EOGT: variants seen among roughly 807,000 people sequenced by gnomAD.
The protein encoded by EOGT is EGF domain-specific O-linked N-acetylglucosamine transferase.
A neutral mutation model predicts 70.5 loss-of-function variants in EOGT; 55 were observed. That is an observed-to-expected ratio of 0.78 (90% CI 0.63 to 0.98). The LOEUF (loss-of-function observed/expected upper bound fraction) is 0.98. EOGT is among the 50% of genes least tolerant of loss of function. EOGT has a pLI of 0.00. For missense variants in EOGT, 703 were observed against 641.9 expected, an observed-to-expected ratio of 1.10 and a Z score of -1.03; for synonymous variants, 246 against 217.1, an observed-to-expected ratio of 1.13 and a Z score of -1.17.
At chr3:68,987,155 T>A (rs2107206878) in intron 14 of EOGT, among the ~76,000 whole-genome samples, 1 of 152,378 alleles carries the variant, frequency 6.6e-6, no homozygotes, top group Non-Finnish European at 1.5e-5. Context: ...TTTTGCTACT[T>A]GTCTGTCCGG....
At chr3:68,994,119 A>G (rs190789527) in intron 10 of EOGT, among the ~76,000 whole-genome samples, 129 of 152,296 alleles carry the variant, frequency 8.5e-4, no homozygotes, top group African/African-American at 3.0e-3. Context: ...ACAGTAATAT[A>G]TATTATATAT....
chr3:68,985,682 T>C (rs1214060522), intron 14 of EOGT, among the ~76,000 whole-genome samples: 2 of 152,094 alleles, frequency 1.3e-5, no homozygotes, highest in African/African-American at 4.8e-5. Context: ...GGCTAAACAC[T>C]CTCCCCTGGG....
At chr3:68,994,674 C>T (rs1384160833) in intron 10 of EOGT, among the ~76,000 whole-genome samples, 2 of 152,070 alleles carry the variant, frequency 1.3e-5, no homozygotes, top group African/African-American at 2.4e-5. Context: ...CACTGTCATC[C>T]CAGATACTGG....
At chr3:68,988,836 A>T in intron 11 of EOGT, 89 bp downstream of exon 11, 1 of 709,484 alleles carries the variant, frequency 1.4e-6, no homozygotes, top group Non-Finnish European at 2.3e-6. Flanking sequence ...GGTAATGGCT[A>T]ATAGGAACTC....
At chr3:68,979,368 G>A (rs565465426) in intron 16 of EOGT, among the ~76,000 whole-genome samples, 13 of 152,252 alleles carry the variant, frequency 8.5e-5, no homozygotes, top group East Asian at 7.7e-4. Context: ...GCAAGAAGAC[G>A]CTCAGAGTTT....
At chr3:68,979,623 A>T (rs2090575344) in intron 16 of EOGT, 45 bp downstream of exon 16, 1 of 1,599,686 alleles carries the variant, frequency 6.3e-7, no homozygotes, top group African/African-American at 1.3e-5. Context: ...ATGCATAAAA[A>T]GCATTATCAG....
chr3:68,998,642 C>T (rs7434153), intron 9 of EOGT, among the ~76,000 whole-genome samples: 125,327 of 152,014 alleles, frequency 0.82, 51,797 homozygotes, highest in Admixed American at 0.86. Flanking sequence ...TCACTTGAGA[C>T]CAGGAGTTTG....
In EOGT at chr3:69,008,522, G is replaced by A. The variant is rs770555117; in HGVS notation, c.217C>T (p.Leu73=). The change falls in exon 5 of 18, where the codon CTA becomes TTA. Residue 73 remains leucine, a synonymous_variant. Coordinates refer to ENST00000383701, the MANE Select transcript of EOGT (RefSeq NM_001278689.2). ...CCCCAGCAGTACTTTAGCTTCTCTA[G>A]GTGTTTCTAGAACATAAAACTTACA... ...KDSLCPYKKH[L]EKLKYCWGYE... 2 of 1,612,094 alleles carry A rather than the reference G, an allele frequency of 1.2e-6. No homozygotes were observed. The highest frequency in any genetic ancestry group is 1.7e-5 in the Admixed American group (1 of 59,986).
In EOGT at chr3:68,976,284, T is replaced by C. The variant is rs2090470655; in HGVS notation, c.*1334A>G. ...TTTGAAATTAAAGACTGGAATACTT[T>C]CATGCTGACAGAGGTAGACGCACAC... On this transcript the variant is annotated 3_prime_UTR_variant, in exon 18 of 18. Transcript: ENST00000383701. The C allele has an allele frequency of 6.6e-6, 1 of 152,238 alleles. No homozygotes were observed. Among genetic ancestry groups the C allele is most frequent in the Non-Finnish European group, 1.5e-5 (1 of 68,038 alleles). The allele number at this position is 152,238 out of a possible 1,614,324, so 9.4% of individuals were successfully genotyped here.
At chr3:68,987,681 T>A (rs1281653796) in intron 13 of EOGT, 168 bp from the exon 14 acceptor site, 3 of 614,708 alleles carry the variant, frequency 4.9e-6, no homozygotes, top group Non-Finnish European at 8.5e-6. Context: ...GGAATAAAAA[T>A]GTATCCACTT....
At chr3:68,979,829 G>C (rs1281145796) in intron 15 of EOGT, 42 bp from the exon 16 acceptor site, 4 of 1,602,864 alleles carry the variant, frequency 2.5e-6, no homozygotes, top group South Asian at 2.2e-5. Flanking sequence ...GGGGAGAAGA[G>C]AGAAGTATTA....
chr3:68,979,515 T>C (rs2090570390), intron 16 of EOGT, among the ~76,000 whole-genome samples, 153 bp downstream of exon 16: 1 of 152,218 alleles, frequency 6.6e-6, no homozygotes, highest in Non-Finnish European at 1.5e-5. Context: ...ATTTTTAGCT[T>C]CAGGCCTCTT....
intron 10 of EOGT, among the ~76,000 whole-genome samples, chr3:68,992,547 G>A (rs996728447): frequency 1.2e-4 from 18 of 152,256 alleles, no homozygotes; most frequent in South Asian, 1.0e-3. Context: ...CTGCTTTCAC[G>A]GGCTGGCATT....
chr3:69,003,430 C>T (rs953500079), intron 8 of EOGT, among the ~76,000 whole-genome samples: 6 of 152,114 alleles, frequency 3.9e-5, no homozygotes, highest in Admixed American at 3.3e-4. Context: ...CTGCGCTGTT[C>T]TCAAGATCTG....
At position 68,987,628 on chromosome 3, in the gene EOGT, A is replaced by C. The variant is rs2090853669; in HGVS notation, c.1084-115T>G. 3 of 759,078 alleles carry C rather than the reference A, an allele frequency of 4.0e-6. No individual in the cohort carries two copies. The Admixed American group carries it at 7.9e-5, about 20-fold the overall frequency. 47.0% of individuals were successfully genotyped at this position (759,078 alleles called of 1,614,324 possible). On this transcript the variant is annotated intron_variant, in intron 13 of 17. Coordinates refer to ENST00000383701, the MANE Select transcript of EOGT (RefSeq NM_001278689.2). ...GATGAAACTCAACCAGGATACATTA[A>C]TAGAACTCTTCTTTTTTAGCTTGAT...
intron 12 of EOGT, 22 bp from the exon 13 acceptor site, chr3:68,988,403 A>G (rs954592567): frequency 3.3e-6 from 5 of 1,517,450 alleles, no homozygotes; most frequent in Non-Finnish European, 3.5e-6. Flanking sequence ...ACACTGGTTC[A>G]TATTACAATG....
rs2091494468 is a variant in EOGT, at chr3:69,008,530, T to C, written c.211-2A>G. 6 of 1,608,524 alleles carry C rather than the reference T, an allele frequency of 3.7e-6. No homozygotes were observed. The highest frequency in any genetic ancestry group is 5.1e-6 in the Non-Finnish European group (6 of 1,175,166). ...GTACTTTAGCTTCTCTAGGTGTTTC[T>C]AGAACATAAAACTTACATTGATTTC... On this transcript the variant is annotated splice_acceptor_variant, in intron 4 of 17. Coordinates refer to ENST00000383701, the MANE Select transcript of EOGT (RefSeq NM_001278689.2). LOFTEE classifies it high-confidence loss of function.
intron 14 of EOGT, among the ~76,000 whole-genome samples, chr3:68,985,589 AT>A (rs1426194799): frequency 6.6e-6 from 1 of 152,152 alleles, no homozygotes; most frequent in Admixed American, 6.5e-5. Context: ...GTACTTTTAC[AT>A]TCCAAAAGTA....
chr3:69,007,074 T>C (rs1445258344), intron 6 of EOGT, among the ~76,000 whole-genome samples: 2 of 152,086 alleles, frequency 1.3e-5, no homozygotes, highest in African/African-American at 4.8e-5. Context: ...GAGAATGAAT[T>C]TGTAAAGACG....
Sources: gnomAD v4.1 joint callset for allele counts (sites outside exome capture counted in the v4.1 genomes callset) on GRCh38, gnomAD v4.1.1 for gene constraint, MANE v1.5 for transcripts, NCBI Gene and HGNC (gene_info 2026-07-23, HGNC 2026-07-21) for gene names.